Variants in EXOC4 observed in about 807,000 individuals in gnomAD.
EXOC4 encodes exocyst complex component 4, also known as SEC8-like 1.
In EXOC4, 71 loss-of-function variants were observed where a neutral mutation model predicts 107.2. The ratio of observed to expected loss-of-function variants is 0.66; its 90% CI spans 0.55 to 0.81. The LOEUF is 0.81. Among genes scored for constraint, EXOC4 ranks in the 30% least tolerant of loss-of-function variants. The pLI, the probability that EXOC4 is intolerant of heterozygous loss-of-function variation, is 0.00. For missense variants in EXOC4, 1,108 were observed against 1,189.6 expected (o/e 0.93, Z 1.01); for synonymous variants, 456 against 441.2 (o/e 1.03, Z -0.42).
chr7:133,925,382 G>A (rs556243749), intron 13 of EXOC4, among the ~76,000 whole-genome samples: 4 of 152,218 alleles, frequency 2.6e-5, no homozygotes, highest in South Asian at 4.2e-4. Flanking sequence ...CTGAAAGCAG[G>A]CTTTCTAGCC....
intron 2 of EXOC4, among the ~76,000 whole-genome samples, chr7:133,287,151 T>A (rs2150543627): frequency 6.6e-6 from 1 of 152,332 alleles, no homozygotes; most frequent in East Asian, 1.9e-4. Context: ...CCTTATTTGC[T>A]GTTCTTCCTC....
chr7:134,050,817 A>G (rs1487004638), intron 17 of EXOC4, among the ~76,000 whole-genome samples: 3 of 152,124 alleles, frequency 2.0e-5, no homozygotes, highest in Admixed American at 1.3e-4. Context: ...TAGTGAACAC[A>G]CAAGGTTTTT....
At chr7:133,410,725 C>T (rs901837277) in intron 7 of EXOC4, among the ~76,000 whole-genome samples, 2 of 152,114 alleles carry the variant, frequency 1.3e-5, no homozygotes, top group African/African-American at 4.8e-5. Flanking sequence ...CTCTCCTGCG[C>T]AGAAATACTG....
rs1563043305 is a variant in EXOC4, at chr7:133,885,565, T to TTAGC, written c.1735-10034_1735-10033insTAGC. ...GGAATTAGCAGCCTAGTGGAAGAGA[T>TTAGC]AGCCAATTGAACCAGTGATTACCAC... is the stretch of plus-strand genomic sequence containing the variant. On this transcript the variant is annotated intron_variant, in intron 11 of 17. Coordinates refer to ENST00000253861, the MANE Select transcript of EXOC4 (RefSeq NM_021807.4). Among the ~76,000 whole-genome samples the TTAGC allele has an allele frequency of 1.0e-3, 156 of 152,316 alleles. 2 individuals are homozygous for TTAGC. Among genetic ancestry groups the TTAGC allele is most frequent in the Admixed American group, 9.4e-3 (144 of 15,304 alleles).
At chr7:134,080,191 C>A in the EXOC4 span, among the ~76,000 whole-genome samples, 1 of 152,152 alleles carries the variant, frequency 6.6e-6, no homozygotes, top group Non-Finnish European at 1.5e-5. Context: ...CAGCCAAGTT[C>A]TCTAAAATGT....
chr7:133,790,070 C>T (rs1322282015), intron 10 of EXOC4, among the ~76,000 whole-genome samples: 1 of 152,112 alleles, frequency 6.6e-6, no homozygotes, highest in Non-Finnish European at 1.5e-5. Flanking sequence ...CTTCCAGCCT[C>T]GTAAATAATG....
At chr7:133,573,636 C>G (rs1801069477) in intron 9 of EXOC4, among the ~76,000 whole-genome samples, 1 of 152,132 alleles carries the variant, frequency 6.6e-6, no homozygotes, top group African/African-American at 2.4e-5. Context: ...CTTCCCCTCT[C>G]TCCCCTCCCC....
intron 11 of EXOC4, among the ~76,000 whole-genome samples, chr7:133,836,616 C>T (rs997697022): frequency 1.3e-5 from 2 of 152,168 alleles, no homozygotes; most frequent in African/African-American, 4.8e-5. Flanking sequence ...ACACGTTTCA[C>T]TCCAAAACCA....
At chr7:133,525,651 T>C (rs904815851) in intron 9 of EXOC4, among the ~76,000 whole-genome samples, 1 of 152,152 alleles carries the variant, frequency 6.6e-6, no homozygotes, top group Non-Finnish European at 1.5e-5. Context: ...ACAGGTACAA[T>C]AAATAAGAAG....
intron 15 of EXOC4, among the ~76,000 whole-genome samples, chr7:133,998,543 G>A (rs1164077816): frequency 6.6e-6 from 1 of 152,174 alleles, no homozygotes; most frequent in South Asian, 2.1e-4. Flanking sequence ...AGAGCAGAGA[G>A]GAGGCTGATA....
intron 7 of EXOC4, among the ~76,000 whole-genome samples, chr7:133,459,973 C>T (rs769040886): frequency 2.6e-5 from 4 of 152,028 alleles, no homozygotes; most frequent in African/African-American, 7.2e-5. Flanking sequence ...AATAGGAAAG[C>T]CAATGCAAAA....
At chr7:133,936,194 C>A (rs956146213) in intron 13 of EXOC4, among the ~76,000 whole-genome samples, 1 of 152,182 alleles carries the variant, frequency 6.6e-6, no homozygotes, top group South Asian at 2.1e-4. Flanking sequence ...ACATTCCATG[C>A]GCTCGGTTCA....
intron 10 of EXOC4, among the ~76,000 whole-genome samples, chr7:133,704,910 A>T (rs770437075): frequency 1.3e-5 from 2 of 152,202 alleles, no homozygotes; most frequent in Non-Finnish European, 1.5e-5. Flanking sequence ...GTTGCTCAAC[A>T]TGTTGAACAA....
chr7:133,532,109 CA>C (rs1563098908), intron 9 of EXOC4, among the ~76,000 whole-genome samples: 1 of 151,994 alleles, frequency 6.6e-6, no homozygotes, highest in Non-Finnish European at 1.5e-5. Context: ...TAACGATGCT[CA>C]AAAAGTTTTG....
At chr7:133,504,363 G>A (rs1396142297) in intron 9 of EXOC4, among the ~76,000 whole-genome samples, 2 of 152,050 alleles carry the variant, frequency 1.3e-5, no homozygotes, top group Admixed American at 1.3e-4. Context: ...TTCTAGGTTG[G>A]TTTGTTTGTT....
intron 2 of EXOC4, among the ~76,000 whole-genome samples, chr7:133,278,350 T>C (rs1029101466): frequency 2.6e-5 from 4 of 152,126 alleles, no homozygotes; most frequent in Non-Finnish European, 1.5e-5. Flanking sequence ...CTACAGACTA[T>C]AAGTGAATAT....
Position 133,338,011 on chromosome 7 carries a change from C to CT in EXOC4, c.764-18305dup, listed in dbSNP as rs35115594. Among the ~76,000 whole-genome samples, 557 of 141,280 alleles carry CT rather than the reference C, an allele frequency of 3.9e-3. 1 individual carries two copies. Among genetic ancestry groups the CT allele is most frequent in the African/African-American group, 0.013 (484 of 37,498 alleles). 92.7% of individuals were successfully genotyped at this position (141,280 alleles called of 152,430 possible). A position where few individuals can be genotyped will look rare whatever the true frequency, so the allele number is the denominator to read the frequency against. ...TTGTCTATTTTGTTAGGTTTTCTTT[C>CT]TTTTTTTTTTTTTTAAGGAAATAAC... On this transcript the variant is annotated intron_variant, in intron 5 of 17. Coordinates refer to ENST00000253861, the MANE Select transcript of EXOC4 (RefSeq NM_021807.4).
rs974364148 is a variant in EXOC4 at position 133,371,198 on chromosome 7, C to T, written c.1008-3630C>T. On this transcript the variant is annotated intron_variant, in intron 6 of 17. Transcript: ENST00000253861. ...GTGCTAGAGAGGTGTTGGATCTTCA[C>T]TCTCCCCACTCAGAGCCATAGCTGC... Among the ~76,000 whole-genome samples, 3 of 152,140 alleles carry T rather than the reference C, an allele frequency of 2.0e-5. 1 individual carries two copies. The highest frequency in any genetic ancestry group is 7.2e-5 in the African/African-American group (3 of 41,424).
At chr7:133,614,430 G>A (rs1585033170) in intron 9 of EXOC4, among the ~76,000 whole-genome samples, 1 of 152,008 alleles carries the variant, frequency 6.6e-6, no homozygotes, top group South Asian at 2.1e-4. Flanking sequence ...CCTTTTAATT[G>A]TGCAATACTC....
Sources: gnomAD v4.1 joint callset for allele counts (sites outside exome capture counted in the v4.1 genomes callset) on GRCh38, gnomAD v4.1.1 for gene constraint, MANE v1.5 for transcripts, NCBI Gene and HGNC (gene_info 2026-07-23, HGNC 2026-07-21) for gene names.